SH3TC2: variants seen among roughly 807,000 people sequenced by gnomAD.
SH3TC2 encodes SH3 domain and tetratricopeptide repeats 2, also known as SH3 domain and tetratricopeptide repeat-containing protein 2.
A neutral mutation model predicts 124.5 loss-of-function variants in SH3TC2; 87 were observed. That is an observed-to-expected ratio of 0.70 (90% CI 0.59 to 0.84). The LOEUF (loss-of-function observed/expected upper bound fraction) is 0.84. Among genes scored for constraint, SH3TC2 ranks in the 40% least tolerant of loss-of-function variants. The pLI is 0.00. For synonymous variants in SH3TC2, 634 were observed against 628.5 expected, an observed-to-expected ratio of 1.01 and a Z score of -0.13; for missense variants, 1,536 against 1,566.4, an observed-to-expected ratio of 0.98 and a Z score of 0.33.
intron 12 of SH3TC2, among the ~76,000 whole-genome samples, chr5:149,020,295 C>A (rs1358582748): frequency 6.6e-6 from 1 of 151,858 alleles, no homozygotes; most frequent in Non-Finnish European, 1.5e-5. Flanking sequence ...AATTATTACC[C>A]CAGGGTAACC....
intron 3 of SH3TC2, 110 bp downstream of exon 3, chr5:149,047,752 G>T: frequency 7.2e-7 from 1 of 1,396,232 alleles, no homozygotes; most frequent in Non-Finnish European, 1.0e-6. Flanking sequence ...CCTATTAGAT[G>T]TTTTTTCCGA....
Position 148,991,914 on chromosome 5 carries a change from C to T in SH3TC2, c.*12797G>A, listed in dbSNP as rs1305397831. On this transcript the variant is annotated 3_prime_UTR_variant, in exon 17 of 17. Transcript: ENST00000515425. ...GTATGCTGATGATGTCATGGTGGCTCAACTTTCCTGGTGTCTAAGGGGAGT... is the reference window on the plus strand; with the variant it reads ...GTATGCTGATGATGTCATGGTGGCTTAACTTTCCTGGTGTCTAAGGGGAGT... 6.6e-6 allele frequency among the ~76,000 whole-genome samples: 1 copy of T among 152,166 alleles called. No individual in the cohort carries two copies. The highest frequency in any genetic ancestry group is 1.5e-5 in the Non-Finnish European group (1 of 68,034).
At chr5:149,037,294 T>C (rs1297643858) in intron 8 of SH3TC2, among the ~76,000 whole-genome samples, 1 of 141,012 alleles carries the variant, frequency 7.1e-6, no homozygotes, top group African/African-American at 2.8e-5. Context: ...TCTCTTGATA[T>C]CCTTTTCTTC....
chr5:149,048,710 T>C (rs1487632546), intron 2 of SH3TC2, among the ~76,000 whole-genome samples: 1 of 152,110 alleles, frequency 6.6e-6, no homozygotes, highest in African/African-American at 2.4e-5. Context: ...AGTGAGTAAC[T>C]AGGCAAGAAA....
At chr5:149,048,755 C>T (rs560886462) in intron 2 of SH3TC2, among the ~76,000 whole-genome samples, 4 of 151,890 alleles carry the variant, frequency 2.6e-5, no homozygotes, top group East Asian at 1.9e-4. Context: ...TGGAGAAGAG[C>T]GCTATGAAAA....
At chr5:149,042,389 T>C (rs530510053) in intron 5 of SH3TC2, among the ~76,000 whole-genome samples, 1 of 152,348 alleles carries the variant, frequency 6.6e-6, no homozygotes, top group African/African-American at 2.4e-5. Flanking sequence ...TTCCAAAATA[T>C]GCCAATACTT....
chr5:149,047,174 C>A (rs1328785811), intron 3 of SH3TC2: 1 of 152,606 alleles, frequency 6.6e-6, no homozygotes, highest in Admixed American at 6.5e-5. Context: ...TTGGTTTTAA[C>A]AAATGAAGAT....
chr5:149,047,613 C>G (rs941687855), intron 3 of SH3TC2: 2 of 481,980 alleles, frequency 4.1e-6, no homozygotes, highest in Non-Finnish European at 7.7e-6. Flanking sequence ...AAGATCACAA[C>G]TAATAGAATA....
Position 149,040,604 on chromosome 5 carries a change from C to T in SH3TC2, c.805G>A (p.Gly269Ser). The change falls in exon 7 of 17, where the codon GGC becomes AGC. Residue 269 changes from glycine to serine, a missense_variant and splice_region_variant. This residue lies in a region of SH3TC2 where 1,102 missense variants were observed against 1,098.6 expected (regional missense o/e 1.00). Coordinates refer to ENST00000515425, the MANE Select transcript of SH3TC2 (RefSeq NM_024577.4). ...TACTATGTTTTTGACTCAGCCATAC[C>T]AATCTGATAGGAGCCTGTCCAATCC... The part of the protein sequence containing the change: ...KRDWTGSYQI[G>S]RGRCKALTGY... 1 of 1,613,634 alleles carries T rather than the reference C, an allele frequency of 6.2e-7. No individual in the cohort carries two copies. Among genetic ancestry groups the T allele is most frequent in the Non-Finnish European group, 8.5e-7 (1 of 1,179,556 alleles).
intron 16 of SH3TC2, chr5:149,006,062 C>A (rs1465820402): frequency 6.6e-6 from 1 of 152,358 alleles, no homozygotes; most frequent in Admixed American, 6.5e-5. Context: ...TCCAGCAGTT[C>A]GAGACAGGCA....
Position 148,988,154 on chromosome 5 carries a change from A to T in SH3TC2, c.*16557T>A, listed in dbSNP as rs1389655483. ...AAAAACTCTATGCACACAGGCTAGA[A>T]GTTGAGTGGTGGAAGATTCAAGAGA... is the stretch of plus-strand genomic sequence containing the variant. On this transcript the variant is annotated 3_prime_UTR_variant, in exon 17 of 17. Coordinates refer to ENST00000515425, the MANE Select transcript of SH3TC2 (RefSeq NM_024577.4). Among the ~76,000 whole-genome samples the T allele has an allele frequency of 6.6e-6, 1 of 152,184 alleles. No individual in the cohort carries two copies. Among genetic ancestry groups the T allele is most frequent in the Non-Finnish European group, 1.5e-5 (1 of 68,032 alleles).
chr5:149,028,579 A>G (rs748458419), intron 10 of SH3TC2, 25 bp from the exon 11 acceptor site: 17 of 1,614,202 alleles, frequency 1.1e-5, no homozygotes, highest in Admixed American at 1.7e-5. Context: ...AAAGTTGAGC[A>G]ACCTTGGGCA....
rs776855848 is a variant in SH3TC2 at position 148,999,953 on chromosome 5, C to T, written c.*4758G>A. Among the ~76,000 whole-genome samples the T allele has an allele frequency of 1.3e-5, 2 of 152,140 alleles. No individual in the cohort carries two copies. The highest frequency in any genetic ancestry group is 4.8e-5 in the African/African-American group (2 of 41,426). ...CATCACCCCCTGTCCACCCTCTGGACCTTTGCTTGACACATGCACTGTCTG... is the reference window on the plus strand; with the variant it reads ...CATCACCCCCTGTCCACCCTCTGGATCTTTGCTTGACACATGCACTGTCTG... On this transcript the variant is annotated 3_prime_UTR_variant, in exon 17 of 17. Transcript: ENST00000515425.
intron 3 of SH3TC2, chr5:149,045,285 C>T (rs1754439941): frequency 6.6e-6 from 1 of 152,268 alleles, no homozygotes; most frequent in African/African-American, 2.4e-5. Flanking sequence ...CAATATTTTG[C>T]AAAGCATCTT....
chr5:148,990,194 C>T lies in SH3TC2; in HGVS notation c.*14517G>A, dbSNP rs1400038215. Among the ~76,000 whole-genome samples, 4 of 152,074 alleles carry T rather than the reference C, an allele frequency of 2.6e-5. No homozygotes were observed. Among genetic ancestry groups the T allele is most frequent in the African/African-American group, 9.7e-5 (4 of 41,410 alleles). ...TTCTTTCTCTGATTTATTCCTGTCT[C>T]TGCTTGCACTTGCAGTTCCTTTCTC... On this transcript the variant is annotated 3_prime_UTR_variant, in exon 17 of 17. Transcript: ENST00000515425.
intron 12 of SH3TC2, among the ~76,000 whole-genome samples, chr5:149,025,531 TATGA>T (rs1754048788): frequency 6.6e-6 from 1 of 152,220 alleles, no homozygotes; most frequent in Non-Finnish European, 1.5e-5. Flanking sequence ...CATTTATAAT[TATGA>T]ATGCAATACT....
rs374438126 is a variant in SH3TC2 at position 149,041,446 on chromosome 5, G to A, written c.701C>T (p.Ala234Val). The A allele has an allele frequency of 3.1e-6, 5 of 1,613,182 alleles. No individual in the cohort carries two copies. Among genetic ancestry groups the A allele is most frequent in the South Asian group, 1.1e-5 (1 of 91,026 alleles). ...TGQRGLVLVSALEPLPLPFHQ... is the reference protein window; with the variant it reads ...TGQRGLVLVSVLEPLPLPFHQ... The stretch of plus-strand genomic sequence containing the variant: ...GAAAGGGAGAGGCAGAGGCTCCAAG[G>A]CTGACACCAGTACCAGGCCCCGCTG... Residue 234 changes from alanine (A) to valine (V), a missense_variant, in exon 6 of 17, where the codon GCC (alanine) becomes GTC (valine). By Grantham distance (64) the Ala-to-Val change is moderately conservative (BLOSUM62 0). This residue lies in a region of SH3TC2 where 1,102 missense variants were observed against 1,098.6 expected (regional missense o/e 1.00). Coordinates refer to ENST00000515425, the MANE Select transcript of SH3TC2 (RefSeq NM_024577.4).
At position 148,988,333 on chromosome 5, in the gene SH3TC2, G is replaced by T. The variant is rs144423228; in HGVS notation, c.*16378C>A. On this transcript the variant is annotated 3_prime_UTR_variant, in exon 17 of 17. Transcript: ENST00000515425. ...TCTAGTCCCCAAGATAGCCCCAAGT[G>T]AACCAGGCTTCCCAGTGCTCATGCC... Among the ~76,000 whole-genome samples the T allele has an allele frequency of 1.1e-3, 161 of 152,266 alleles. No individual in the cohort carries two copies. The East Asian group carries it at 0.027, about 25-fold the overall frequency.
intron 12 of SH3TC2, among the ~76,000 whole-genome samples, chr5:149,020,923 A>T (rs181843309): frequency 1.3e-5 from 2 of 152,300 alleles, no homozygotes; most frequent in African/African-American, 2.4e-5. Flanking sequence ...CAAGGAAATA[A>T]AAAATTATAA....
Sources: allele counts gnomAD v4.1 joint callset (sites outside exome capture counted in the v4.1 genomes callset), GRCh38; gene constraint gnomAD v4.1.1; regional missense constraint gnomAD v4.1.1; transcripts MANE v1.5; gene names NCBI Gene and HGNC (gene_info 2026-07-23, HGNC 2026-07-21).